Variants in RHAG observed in about 807,000 individuals in gnomAD.
The protein encoded by RHAG is Rh associated glycoprotein.
Under a neutral mutation model 42.4 loss-of-function variants are expected in RHAG, and 25 were observed. The ratio of observed to expected loss-of-function variants is 0.59; its 90% CI spans 0.43 to 0.82. The LOEUF (loss-of-function observed/expected upper bound fraction) is 0.82. Ranked by LOEUF, RHAG falls within the 40% of genes least tolerant of loss-of-function variation. The pLI is 0.00. For synonymous variants in RHAG, 182 were observed against 177.7 expected (o/e 1.02, Z -0.19); for missense variants, 483 against 504.6 (o/e 0.96, Z 0.41).
At chr6:49,626,327 C>T (rs1562018410) in intron 1 of RHAG, among the ~76,000 whole-genome samples, 1 of 152,180 alleles carries the variant, frequency 6.6e-6, no homozygotes, top group East Asian at 1.9e-4. Flanking sequence ...TACTCCCATT[C>T]CAAATGGGAG....
chr6:49,607,964 T>C (rs1304495987), intron 7 of RHAG, among the ~76,000 whole-genome samples: 1 of 152,182 alleles, frequency 6.6e-6, no homozygotes, highest in African/African-American at 2.4e-5. Flanking sequence ...TAAACTCAGA[T>C]TCCTTTTTTT....
At chr6:49,616,354 C>CAAAAAAAAAA (rs34416373) in intron 3 of RHAG, among the ~76,000 whole-genome samples, 1 of 108,798 alleles carries the variant, frequency 9.2e-6, no homozygotes, top group African/African-American at 4.1e-5. Flanking sequence ...AATCTCAAAC[C>CAAAAAAAAAA]AAAAAAAAAA....
rs887429622 is a variant in RHAG at position 49,610,999 on chromosome 6, C to A, written c.1067+25G>T. On this transcript the variant is annotated intron_variant, in intron 7 of 9. Coordinates refer to ENST00000371175, the MANE Select transcript of RHAG (RefSeq NM_000324.3). ...AGAAAACATCATGGGACCACAGGGG[C>A]TGAAAAACCCATTCTTTTACTCACG... 3.1e-6 allele frequency: 5 copies of A among 1,613,540 alleles called. No homozygotes were observed. The East Asian group carries it at 6.7e-5, about 22-fold the overall frequency.
At chr6:49,636,550 A>T in intron 1 of RHAG, 106 bp downstream of exon 1, 1 of 1,156,994 alleles carries the variant, frequency 8.6e-7, no homozygotes, top group Non-Finnish European at 1.3e-6. Flanking sequence ...CATAACCATC[A>T]TATAATTCTA....
chr6:49,606,827 G>A (rs1372308358), intron 9 of RHAG, 21 bp downstream of exon 9: 15 of 1,511,602 alleles, frequency 9.9e-6, no homozygotes, highest in Non-Finnish European at 1.4e-5. Flanking sequence ...TCACATTCTT[G>A]TTTAGAATAC....
chr6:49,632,529 G>A (rs1016861138), intron 1 of RHAG, among the ~76,000 whole-genome samples: 7 of 152,146 alleles, frequency 4.6e-5, no homozygotes, highest in East Asian at 3.9e-4. Context: ...TGATATTAAC[G>A]AATATTCTTT....
rs369258090 is a variant in RHAG, at chr6:49,618,131, G to T, written c.429C>A (p.Ile143=). The T allele has an allele frequency of 1.2e-6, 2 of 1,613,986 alleles. No homozygotes were observed. Among genetic ancestry groups the T allele is most frequent in the Non-Finnish European group, 1.7e-6 (2 of 1,179,896 alleles). The part of the protein sequence containing the change: ...LGKTSPTQML[I]MTILEIVFFA... ...AGAAAACAATTTCTAAAATTGTCAT[G>T]ATCAGCATTTGGGTGGGGCTCGTTT... Residue 143 remains isoleucine (I), a synonymous_variant, in exon 3 of 10, where the codon ATC becomes ATA. Transcript: ENST00000371175.
intron 7 of RHAG, among the ~76,000 whole-genome samples, chr6:49,610,068 G>C (rs919480239): frequency 2.0e-5 from 3 of 152,068 alleles, no homozygotes. Flanking sequence ...CGGACCTGAT[G>C]GGGGGTGGGG....
chr6:49,615,872 A>AT, intron 3 of RHAG, 101 bp from the exon 4 acceptor site: 1 of 1,202,040 alleles, frequency 8.3e-7, no homozygotes, highest in Non-Finnish European at 1.2e-6. Context: ...AAACAACTTA[A>AT]AAAAATTAAA....
At position 49,606,895 on chromosome 6, in the gene RHAG, C is replaced by T. The variant is rs553258732; in HGVS notation, c.1165G>A (p.Gly389Arg). 3.1e-6 allele frequency: 5 copies of T among 1,611,910 alleles called. No homozygotes were observed. Among genetic ancestry groups the T allele is most frequent in the Non-Finnish European group, 4.2e-6 (5 of 1,178,322 alleles). Residue 389 changes from glycine (G) to arginine (R), a missense_variant, in exon 9 of 10, where the codon GGA (glycine) becomes AGA (arginine). Gly to Arg is a moderately radical substitution (Grantham distance 125, BLOSUM62 -2). Transcript: ENST00000371175. ...TGLILKLPLW[G>R]QPSDQNCYDD... ...TAGCAGTTCTGGTCAGATGGCTGTCCCCAGAGAGGCAACTTTAGAATTAAA... is the reference window on the plus strand; with the variant it reads ...TAGCAGTTCTGGTCAGATGGCTGTCTCCAGAGAGGCAACTTTAGAATTAAA...
chr6:49,607,094 A>T, intron 8 of RHAG, 56 bp downstream of exon 8: 1 of 1,443,822 alleles, frequency 6.9e-7, no homozygotes, highest in Non-Finnish European at 9.7e-7. Context: ...TTAATTATCT[A>T]TTGTAAATAA....
rs1481582978 is a variant in RHAG, at chr6:49,621,559, C to A, written c.158-2197G>T. Among the ~76,000 whole-genome samples, 4 of 152,324 alleles carry A rather than the reference C, an allele frequency of 2.6e-5. No individual in the cohort carries two copies. In the South Asian group the frequency reaches 8.3e-4, roughly 32 times the overall value. On this transcript the variant is annotated intron_variant, in intron 1 of 9. Transcript: ENST00000371175. ...ACCCTAGAACTGAGATTTTACCTGA[C>A]TCGCTGATGGGCATTTGTCAATTAA... is the stretch of plus-strand genomic sequence containing the variant.
At chr6:49,611,293 A>T (rs1172636631) in intron 6 of RHAG, 148 bp from the exon 7 acceptor site, 1 of 628,150 alleles carries the variant, frequency 1.6e-6, no homozygotes, top group African/African-American at 1.8e-5. Flanking sequence ...ATACAACATG[A>T]TGTTATGAGA....
chr6:49,608,475 T>G (rs1581935973), intron 7 of RHAG, among the ~76,000 whole-genome samples: 1 of 97,406 alleles, frequency 1.0e-5, no homozygotes. Flanking sequence ...CTCCCCGCGT[T>G]CAAGCAATTC....
chr6:49,618,364 C>T (rs1440485624), intron 2 of RHAG, 146 bp from the exon 3 acceptor site: 1 of 795,356 alleles, frequency 1.3e-6, no homozygotes, highest in African/African-American at 1.7e-5. Flanking sequence ...TCTTTTTGAC[C>T]AGACACTCTT....
At chr6:49,632,517 G>A (rs1762948798) in intron 1 of RHAG, among the ~76,000 whole-genome samples, 1 of 152,086 alleles carries the variant, frequency 6.6e-6, no homozygotes, top group African/African-American at 2.4e-5. Flanking sequence ...AGAGACTGTT[G>A]ATGATATTAA....
chr6:49,624,246 C>T (rs975639203), intron 1 of RHAG, among the ~76,000 whole-genome samples: 1 of 152,088 alleles, frequency 6.6e-6, no homozygotes, highest in Non-Finnish European at 1.5e-5. Flanking sequence ...CTCTGTCTTG[C>T]CTAGGCTGGA....
In RHAG at chr6:49,626,906, C is replaced by T. The variant is rs540408901; in HGVS notation, c.158-7544G>A. Among the ~76,000 whole-genome samples, 7 of 152,322 alleles carry T rather than the reference C, an allele frequency of 4.6e-5. No individual in the cohort carries two copies. The East Asian group carries it at 5.8e-4, about 13-fold the overall frequency. ...GGCTTGCACCCGCTGAAGAAACAGC[C>T]GGAGCTGTACATTGACCCCTTTTAG... On this transcript the variant is annotated intron_variant, in intron 1 of 9. Transcript: ENST00000371175.
Position 49,615,839 on chromosome 6 carries a change from A to G in RHAG, c.493-68T>C, listed in dbSNP as rs1762643784. The G allele has an allele frequency of 1.7e-5, 26 of 1,486,084 alleles. No homozygotes were observed. In the South Asian group the frequency reaches 2.6e-4, roughly 15 times the overall value. The allele number at this position is 1,486,084 out of a possible 1,614,324, so 92.1% of individuals were successfully genotyped here. A position where few individuals can be genotyped will look rare whatever the true frequency, so the allele number is the denominator to read the frequency against. ...AGACTCATTTATGGGAGGAAAGTCA[A>G]TGAAAGAATTGCATTGTTGGTTAAA... On this transcript the variant is annotated intron_variant, in intron 3 of 9. Coordinates refer to ENST00000371175, the MANE Select transcript of RHAG (RefSeq NM_000324.3).
Sources: allele counts gnomAD v4.1 joint callset (sites outside exome capture counted in the v4.1 genomes callset), GRCh38; gene constraint gnomAD v4.1.1; transcripts MANE v1.5; gene names NCBI Gene and HGNC (gene_info 2026-07-23, HGNC 2026-07-21).